Variants in MARCHF3 observed in about 807,000 individuals in gnomAD.
The protein encoded by MARCHF3 is E3 ubiquitin-protein ligase MARCHF3.
A neutral mutation model predicts 24.2 loss-of-function variants in MARCHF3; 13 were observed. That is an observed-to-expected ratio of 0.54 (90% confidence interval 0.35 to 0.85). MARCHF3 has a LOEUF of 0.85. Among genes scored for constraint, MARCHF3 ranks in the 40% least tolerant of loss-of-function variants. The pLI is 0.01. For synonymous variants in MARCHF3, 144 were observed against 137.3 expected, an observed-to-expected ratio of 1.05 and a Z score of -0.34; for missense variants, 276 against 325.0, an observed-to-expected ratio of 0.85 and a Z score of 1.16.
Position 126,870,300 on chromosome 5 carries a change from A to T in MARCHF3, c.*333T>A, listed in dbSNP as rs931747997. ...ATATGTGTGTGTGTTTGAAATAGTAATAAAAAAGGAAGAATTGAATTGCAT... is the reference window on the plus strand; with the variant it reads ...ATATGTGTGTGTGTTTGAAATAGTATTAAAAAAGGAAGAATTGAATTGCAT... On this transcript the variant is annotated 3_prime_UTR_variant, in exon 5 of 5. Transcript: ENST00000308660. 1 of 183,950 alleles carries T rather than the reference A, an allele frequency of 5.4e-6. No homozygotes were observed. The highest frequency in any genetic ancestry group is 2.3e-5 in the African/African-American group (1 of 42,978). 11.4% of individuals were successfully genotyped at this position (183,950 alleles called of 1,614,324 possible).
intron 3 of MARCHF3, among the ~76,000 whole-genome samples, chr5:126,905,721 G>A (rs1209585317): frequency 1.3e-4 from 20 of 151,524 alleles, no homozygotes; most frequent in Admixed American, 9.4e-4. Flanking sequence ...TTGGGCTGAG[G>A]CAATGGGGTT....
chr5:127,002,969 A>C (rs1752177029), intron 1 of MARCHF3, among the ~76,000 whole-genome samples: 1 of 152,204 alleles, frequency 6.6e-6, no homozygotes, highest in Admixed American at 6.5e-5. Context: ...AGCAATCGAT[A>C]ACCAGAGTGG....
chr5:126,969,569 C>T (rs1750931346), intron 1 of MARCHF3, among the ~76,000 whole-genome samples: 1 of 152,196 alleles, frequency 6.6e-6, no homozygotes, highest in African/African-American at 2.4e-5. Context: ...AAGCAAAAAT[C>T]AGCAGCTGGG....
chr5:126,905,991 T>A (rs1323130864), intron 3 of MARCHF3, among the ~76,000 whole-genome samples: 2 of 151,928 alleles, frequency 1.3e-5, no homozygotes, highest in Non-Finnish European at 2.9e-5. Context: ...ATACGTCCCA[T>A]CAATACCTAA....
At chr5:126,935,268 C>A (rs563606461) in intron 1 of MARCHF3, among the ~76,000 whole-genome samples, 2 of 152,224 alleles carry the variant, frequency 1.3e-5, no homozygotes, top group South Asian at 4.2e-4. Context: ...GTTTGCCCTC[C>A]CTCATGTGGG....
chr5:126,872,215 C>G (rs1753000114), intron 4 of MARCHF3, among the ~76,000 whole-genome samples: 1 of 151,412 alleles, frequency 6.6e-6, no homozygotes, highest in Non-Finnish European at 1.5e-5. Flanking sequence ...GAGTAGCCAC[C>G]ATGCCTGGCT....
intron 3 of MARCHF3, among the ~76,000 whole-genome samples, chr5:126,882,887 G>A (rs1469960587): frequency 6.6e-6 from 1 of 152,150 alleles, no homozygotes; most frequent in Non-Finnish European, 1.5e-5. Context: ...GAGACACAGA[G>A]AATTTAAATA....
intron 1 of MARCHF3, among the ~76,000 whole-genome samples, chr5:126,997,580 G>A (rs1215976080): frequency 6.6e-6 from 1 of 152,138 alleles, no homozygotes; most frequent in East Asian, 1.9e-4. Context: ...CCCCAAGGTC[G>A]AAAGGACTGG....
intron 3 of MARCHF3, among the ~76,000 whole-genome samples, chr5:126,911,697 G>A (rs1441143817): frequency 1.3e-5 from 2 of 152,124 alleles, no homozygotes; most frequent in South Asian, 2.1e-4. Flanking sequence ...CCAGTAGAAT[G>A]TAGTAAATAG....
intron 3 of MARCHF3, among the ~76,000 whole-genome samples, chr5:126,901,911 C>A (rs1210251971): frequency 1.3e-5 from 2 of 152,126 alleles, no homozygotes; most frequent in African/African-American, 2.4e-5. Context: ...CTCCCCCTTA[C>A]AAAGCTTTTC....
At chr5:126,896,065 C>T (rs1482778467) in intron 3 of MARCHF3, among the ~76,000 whole-genome samples, 1 of 152,076 alleles carries the variant, frequency 6.6e-6, no homozygotes, top group Non-Finnish European at 1.5e-5. Context: ...GGGAGTGACC[C>T]GATTTTCCAG....
chr5:126,983,596 CA>C (rs1488055263), intron 1 of MARCHF3, among the ~76,000 whole-genome samples: 1 of 152,294 alleles, frequency 6.6e-6, no homozygotes, highest in Non-Finnish European at 1.5e-5. Flanking sequence ...ACTAGAACAG[CA>C]ATTTACTCGG....
intron 1 of MARCHF3, among the ~76,000 whole-genome samples, chr5:127,011,652 G>T (rs553603760): frequency 2.6e-5 from 4 of 152,288 alleles, no homozygotes; most frequent in Admixed American, 2.0e-4. Context: ...CCCTAAAAGT[G>T]TAGTTTTCCC....
Position 126,868,454 on chromosome 5 carries a change from A to C in MARCHF3, c.*2179T>G, listed in dbSNP as rs1222176891. 1 of 152,286 alleles carries C rather than the reference A, an allele frequency of 6.6e-6. No individual in the cohort carries two copies. The highest frequency in any genetic ancestry group is 2.4e-5 in the African/African-American group (1 of 41,462). 9.4% of individuals were successfully genotyped at this position (152,286 alleles called of 1,614,324 possible). On this transcript the variant is annotated 3_prime_UTR_variant, in exon 5 of 5. Coordinates refer to ENST00000308660, the MANE Select transcript of MARCHF3 (RefSeq NM_178450.5). ...GGGCAGGGATGCAAACACGAAGGAA[A>C]GAGGTGTGGCACAGGCACAGTTTTA...
chr5:127,011,299 G>A (rs1752462957), intron 1 of MARCHF3, among the ~76,000 whole-genome samples: 1 of 152,132 alleles, frequency 6.6e-6, no homozygotes, highest in East Asian at 1.9e-4. Context: ...AATGAATAAG[G>A]CTCCGATGAC....
chr5:127,014,963 A>C (rs1752589000), intron 1 of MARCHF3, among the ~76,000 whole-genome samples: 1 of 152,210 alleles, frequency 6.6e-6, no homozygotes, highest in African/African-American at 2.4e-5. Context: ...TCAGATAGCT[A>C]CAAAAGATAT....
At chr5:126,987,615 C>T (rs1751609864) in intron 1 of MARCHF3, among the ~76,000 whole-genome samples, 1 of 152,116 alleles carries the variant, frequency 6.6e-6, no homozygotes, top group Admixed American at 6.5e-5. Context: ...GAGAACCCTA[C>T]CTGATACAAA....
intron 3 of MARCHF3, among the ~76,000 whole-genome samples, chr5:126,904,383 C>T (rs1318339106): frequency 9.4e-5 from 14 of 149,214 alleles, no homozygotes; most frequent in Non-Finnish European, 1.9e-4. Flanking sequence ...TCTGAGGAAT[C>T]GCCACACTGA....
intron 1 of MARCHF3, among the ~76,000 whole-genome samples, chr5:126,972,922 C>T (rs1308634219): frequency 6.6e-6 from 1 of 152,154 alleles, no homozygotes; most frequent in African/African-American, 2.4e-5. Context: ...CACATTTCTC[C>T]CCGTACCCAA....
Sources: gnomAD v4.1 joint callset for allele counts (sites outside exome capture counted in the v4.1 genomes callset) on GRCh38, gnomAD v4.1.1 for gene constraint, MANE v1.5 for transcripts, NCBI Gene and HGNC (gene_info 2026-07-23, HGNC 2026-07-21) for gene names.